MAB21L3: variants seen among roughly 807,000 people sequenced by gnomAD.
The protein encoded by MAB21L3 is protein mab-21-like 3.
Under a neutral mutation model 37.7 loss-of-function variants are expected in MAB21L3, and 36 were observed. That is an observed-to-expected ratio of 0.96 (90% CI 0.73 to 1.26). MAB21L3 has a LOEUF of 1.26. MAB21L3 is among the 50% of genes most tolerant of loss of function. The probability of loss-of-function intolerance (pLI) is 0.00; values close to 1 mark genes in which losing one functional copy is unlikely to be tolerated. For synonymous variants in MAB21L3, 186 were observed against 176.8 expected (o/e 1.05, Z -0.41); for missense variants, 430 against 447.3 (o/e 0.96, Z 0.35).
intron 3 of MAB21L3, among the ~76,000 whole-genome samples, chr1:116,116,947 A>G (rs1474723427): frequency 2.0e-5 from 3 of 152,066 alleles, no homozygotes; most frequent in Non-Finnish European, 2.9e-5. Flanking sequence ...CTGCTCGGTA[A>G]GAATTTCACC....
At chr1:116,114,898 G>C (rs1190230714) in intron 3 of MAB21L3, among the ~76,000 whole-genome samples, 1 of 152,156 alleles carries the variant, frequency 6.6e-6, no homozygotes, top group Admixed American at 6.5e-5. Context: ...GGAAGTGTAG[G>C]GTTTTAATAA....
intron 7 of MAB21L3, among the ~76,000 whole-genome samples, chr1:116,128,766 C>G (rs977228687): frequency 6.6e-6 from 1 of 152,192 alleles, no homozygotes; most frequent in African/African-American, 2.4e-5. Flanking sequence ...AAACCCACTG[C>G]AGCCTACGCA....
chr1:116,124,168 A>G lies in MAB21L3; in HGVS notation c.292A>G (p.Thr98Ala). Residue 98 changes from threonine (T) to alanine (A), a missense_variant, in exon 5 of 8, where the codon ACC becomes GCC. Physicochemically the swap from Thr to Ala is moderately conservative, Grantham distance 58. Transcript: ENST00000369500. ...QHWRYYTLQG[T>A]RLPCPLRDPE... Reference sequence around the variant, plus strand: ...CTGGCGGTACTACACACTGCAGGGCACCAGGCTGCCCTGCCCGTTGCGGGA... The same window carrying G: ...CTGGCGGTACTACACACTGCAGGGCGCCAGGCTGCCCTGCCCGTTGCGGGA... 1 of 1,614,254 alleles carries G rather than the reference A, an allele frequency of 6.2e-7. No homozygotes were observed. The highest frequency in any genetic ancestry group is 2.2e-5 in the East Asian group (1 of 44,894).
rs1224136697 is a variant in MAB21L3, at chr1:116,116,876, C to G, written c.49-4056C>G. The stretch of plus-strand genomic sequence containing the variant: ...AATCAAAACAGGTCATAAGGGTGAA[C>G]TAATAACCTGTGTAACAAGTGAGAG... On this transcript the variant is annotated intron_variant, in intron 3 of 7. Transcript: ENST00000369500. 2.0e-5 allele frequency among the ~76,000 whole-genome samples: 3 copies of G among 152,104 alleles called. No homozygotes were observed. In the East Asian group the frequency reaches 5.8e-4, roughly 29 times the overall value.
chr1:116,128,691 GA>G (rs1659979958), intron 7 of MAB21L3, among the ~76,000 whole-genome samples: 1 of 152,118 alleles, frequency 6.6e-6, no homozygotes, highest in Non-Finnish European at 1.5e-5. Flanking sequence ...CTGAGGTTCA[GA>G]AATGAATCAC....
At chr1:116,118,055 G>A (rs796126482) in intron 3 of MAB21L3, among the ~76,000 whole-genome samples, 11 of 152,064 alleles carry the variant, frequency 7.2e-5, no homozygotes, top group African/African-American at 2.4e-4. Context: ...AAAAAAAACT[G>A]TTCGCATCCC....
rs143711161 is a variant in MAB21L3 at position 116,112,204 on chromosome 1, T to C, written c.-209-203T>C. On this transcript the variant is annotated intron_variant, in intron 2 of 7. Transcript: ENST00000369500. ...TGCATCTAGTGTTGGGACAGGAGCA[T>C]AAAAGGTGGGGAGAAGCCAACTACA... is the stretch of plus-strand genomic sequence containing the variant. Among the ~76,000 whole-genome samples the C allele has an allele frequency of 2.2e-4, 34 of 152,112 alleles. 1 individual carries two copies. The East Asian group carries it at 6.0e-3, about 27-fold the overall frequency.
intron 6 of MAB21L3, among the ~76,000 whole-genome samples, chr1:116,127,879 G>C (rs947411711): frequency 1.3e-5 from 2 of 152,196 alleles, no homozygotes; most frequent in Non-Finnish European, 2.9e-5. Flanking sequence ...CCAGCAATCT[G>C]TGTTTTAAGA....
At chr1:116,123,962 A>G in intron 4 of MAB21L3, 104 bp from the exon 5 acceptor site, 2 of 1,141,078 alleles carry the variant, frequency 1.8e-6, no homozygotes, top group East Asian at 4.8e-5. Flanking sequence ...CTGAGGGTGG[A>G]GTGGTTAACA....
At chr1:116,128,387 G>A (rs1425548973) in intron 7 of MAB21L3, 48 bp downstream of exon 7, 9 of 1,535,944 alleles carry the variant, frequency 5.9e-6, no homozygotes, top group African/African-American at 1.4e-5. Flanking sequence ...CTTTGGATAG[G>A]TCATTCTTCC....
At chr1:116,127,195 C>A (rs999222638) in intron 5 of MAB21L3, among the ~76,000 whole-genome samples, 1 of 152,092 alleles carries the variant, frequency 6.6e-6, no homozygotes, top group Admixed American at 6.5e-5. Context: ...ACCCCAAATG[C>A]CTTGGGGTTG....
At chr1:116,127,763 T>C (rs949310432) in intron 6 of MAB21L3, 119 bp downstream of exon 6, 6 of 1,131,234 alleles carry the variant, frequency 5.3e-6, no homozygotes, top group South Asian at 1.7e-5. Context: ...AGATCAGCAG[T>C]TCTCAAAGTG....
chr1:116,121,172 T>G lies in MAB21L3; in HGVS notation c.189+100T>G, dbSNP rs114711206. 97 of 1,140,402 alleles carry G rather than the reference T, an allele frequency of 8.5e-5. No homozygotes were observed. In the African/African-American group the frequency reaches 1.4e-3, roughly 16 times the overall value. The allele number at this position is 1,140,402 out of a possible 1,614,324, so 70.6% of individuals were successfully genotyped here. ...CAGATGCTTGCCTCACTCAGAATACTCATAACAATTCTTGTTTTCATAGGT... is the reference window on the plus strand; with the variant it reads ...CAGATGCTTGCCTCACTCAGAATACGCATAACAATTCTTGTTTTCATAGGT... On this transcript the variant is annotated intron_variant, in intron 4 of 7. Transcript: ENST00000369500.
intron 4 of MAB21L3, 96 bp downstream of exon 4, chr1:116,121,168 A>G: frequency 8.4e-7 from 1 of 1,193,416 alleles, no homozygotes; most frequent in Non-Finnish European, 1.2e-6. Flanking sequence ...CTCACTCAGA[A>G]TACTCATAAC....
chr1:116,124,905 A>ACT (rs1659857494), intron 5 of MAB21L3, among the ~76,000 whole-genome samples: 1 of 150,816 alleles, frequency 6.6e-6, no homozygotes, highest in African/African-American at 2.5e-5. Context: ...ACACACACAC[A>ACT]CTCCCTTTTT....
rs940231421 is a variant in MAB21L3 at position 116,124,206 on chromosome 1, G to A, written c.330G>A (p.Leu110=). The A allele has an allele frequency of 1.2e-6, 2 of 1,614,116 alleles. No individual in the cohort carries two copies. Among genetic ancestry groups the A allele is most frequent in the African/African-American group, 2.7e-5 (2 of 74,942 alleles). Residue 110 remains leucine, a synonymous_variant, in exon 5 of 8, where the codon CTG becomes CTA. Coordinates refer to ENST00000369500, the MANE Select transcript of MAB21L3 (RefSeq NM_152367.3). ...GCCCGTTGCGGGACCCTGAGGGTCT[G>A]CAGCAGTGGCTGGAGGTGGAACAGT... is the stretch of plus-strand genomic sequence containing the variant. ...LPCPLRDPEG[L]QQWLEVEQFM... is the part of the protein sequence containing the mutation.
Position 116,127,506 on chromosome 1 carries a change from T to G in MAB21L3, c.522T>G (p.Val174=). The G allele has an allele frequency of 6.2e-7, 1 of 1,614,218 alleles. No homozygotes were observed. The highest frequency in any genetic ancestry group is 8.5e-7 in the Non-Finnish European group (1 of 1,180,036). ...SLLGNRSAVW[V]AVETSAYQVE... is the part of the protein sequence containing the mutation. Reference sequence around the variant, plus strand: ...TAGGAAACCGCTCTGCAGTTTGGGTTGCTGTGGAAACATCTGCATATCAGG... The same window carrying G: ...TAGGAAACCGCTCTGCAGTTTGGGTGGCTGTGGAAACATCTGCATATCAGG... The change falls in exon 6 of 8, where the codon GTT becomes GTG. Residue 174 remains valine, a synonymous_variant. Coordinates refer to ENST00000369500, the MANE Select transcript of MAB21L3 (RefSeq NM_152367.3).
rs539077667 is a variant in MAB21L3, at chr1:116,128,245, G to A, written c.761G>A (p.Gly254Asp). 19 of 1,614,032 alleles carry A rather than the reference G, an allele frequency of 1.2e-5. No homozygotes were observed. The East Asian group carries it at 3.8e-4, about 32-fold the overall frequency. ...CTGGAACAGCTGGATGAAGATGGGG[G>A]CTGCCGTAGGAAGTGTTTTCAGGTC... is the stretch of plus-strand genomic sequence containing the variant. ...VLLEQLDEDG[G>D]CRRKCFQVMR... The change falls in exon 7 of 8, where the codon GGC becomes GAC. Residue 254 changes from glycine to aspartate, a missense_variant. Gly to Asp is a moderately conservative substitution (Grantham distance 94, BLOSUM62 -1). Transcript: ENST00000369500.
chr1:116,131,071 A>G (rs1660054719), intron 7 of MAB21L3, among the ~76,000 whole-genome samples: 1 of 152,220 alleles, frequency 6.6e-6, no homozygotes, highest in African/African-American at 2.4e-5. Flanking sequence ...ACTTCCTCTC[A>G]TGGGCTAGCC....
Sources: gnomAD v4.1 joint callset for allele counts (sites outside exome capture counted in the v4.1 genomes callset) on GRCh38, gnomAD v4.1.1 for gene constraint, MANE v1.5 for transcripts, NCBI Gene and HGNC (gene_info 2026-07-23, HGNC 2026-07-21) for gene names.